The following PRKCA variants were observed in gnomAD, a reference collection of about 807,000 sequenced individuals.
PRKCA encodes protein kinase C alpha.
PRKCA carries 27 observed loss-of-function variants against 87.0 expected under a neutral mutation model. That is an observed-to-expected ratio of 0.31 (90% confidence interval 0.23 to 0.43). PRKCA has a LOEUF of 0.43. Among genes scored for constraint, PRKCA ranks in the 20% least tolerant of loss-of-function variants. PRKCA has a pLI of 1.00. For missense variants in PRKCA, 518 were observed against 852.3 expected, an observed-to-expected ratio of 0.61 and a Z score of 4.88; for synonymous variants, 329 against 311.1, an observed-to-expected ratio of 1.06 and a Z score of -0.61.
At chr17:66,327,638 C>T (rs765115763) in intron 2 of PRKCA, among the ~76,000 whole-genome samples, 1 of 152,216 alleles carries the variant, frequency 6.6e-6, no homozygotes, top group African/African-American at 2.4e-5. Flanking sequence ...TCTCCTTCGT[C>T]CACATGACTT....
intron 14 of PRKCA, among the ~76,000 whole-genome samples, chr17:66,784,092 T>C (rs543154321): frequency 2.6e-5 from 4 of 152,352 alleles, no homozygotes; most frequent in East Asian, 3.9e-4. Flanking sequence ...CAGGCCCTCT[T>C]GGGCCATGTG....
At position 66,808,126 on chromosome 17, in the gene PRKCA, C is replaced by T. The variant is rs932325986; in HGVS notation, c.*4089C>T. 2 of 152,158 alleles carry T rather than the reference C, an allele frequency of 1.3e-5. No individual in the cohort carries two copies. Among genetic ancestry groups the T allele is most frequent in the Admixed American group, 6.5e-5 (1 of 15,288 alleles). The allele number at this position is 152,158 out of a possible 1,614,324, so 9.4% of individuals were successfully genotyped here. A position where few individuals can be genotyped will look rare whatever the true frequency, so the allele number is the denominator to read the frequency against. ...CATAGTTCTCTGGGCAGAGCCAGAC[C>T]ATCCAGTGTACCCCAGAGGCCAGTA... On this transcript the variant is annotated 3_prime_UTR_variant, in exon 17 of 17. Coordinates refer to ENST00000413366, the MANE Select transcript of PRKCA (RefSeq NM_002737.3).
intron 7 of PRKCA, 150 bp downstream of exon 7, chr17:66,688,586 T>C (rs574718573): frequency 9.5e-7 from 1 of 1,049,356 alleles, no homozygotes; most frequent in South Asian, 1.7e-5. Context: ...GTGGATTGCT[T>C]GAGCTCTGAG....
At chr17:66,574,058 A>G (rs1969156271) in intron 3 of PRKCA, among the ~76,000 whole-genome samples, 1 of 152,212 alleles carries the variant, frequency 6.6e-6, no homozygotes, top group South Asian at 2.1e-4. Flanking sequence ...TGAAATCACA[A>G]CACCCAGGGT....
chr17:66,420,665 A>G (rs1441904566), intron 2 of PRKCA, among the ~76,000 whole-genome samples: 1 of 152,188 alleles, frequency 6.6e-6, no homozygotes, highest in African/African-American at 2.4e-5. Context: ...ATGCACGACA[A>G]TACTTTCAAT....
chr17:66,503,455 A>T (rs968783819), intron 3 of PRKCA, among the ~76,000 whole-genome samples: 1 of 152,194 alleles, frequency 6.6e-6, no homozygotes, highest in Non-Finnish European at 1.5e-5. Flanking sequence ...GTTAAAAGAT[A>T]GGGAGGCTTG....
intron 2 of PRKCA, among the ~76,000 whole-genome samples, chr17:66,493,285 A>G (rs1052519836): frequency 2.9e-5 from 4 of 139,248 alleles, no homozygotes; most frequent in African/African-American, 8.3e-5. Flanking sequence ...GTGTATGTCT[A>G]TGTAGGTATA....
intron 16 of PRKCA, chr17:66,797,100 A>G: frequency 1.1e-5 from 8 of 696,216 alleles, no homozygotes; most frequent in Non-Finnish European, 1.4e-5. Flanking sequence ...GGTAAAGGGC[A>G]GGGGTGAGAC....
In PRKCA at chr17:66,715,595, T is replaced by C. The variant is rs113715757; in HGVS notation, c.919-17093T>C. On this transcript the variant is annotated intron_variant, in intron 8 of 16. Coordinates refer to ENST00000413366, the MANE Select transcript of PRKCA (RefSeq NM_002737.3). The stretch of plus-strand genomic sequence containing the variant: ...CCTACAACTGTTTGGATCTTTGTTT[T>C]CTAGAAATAGAGCACCCAGAGATCT... 1.3e-3 allele frequency among the ~76,000 whole-genome samples: 202 copies of C among 152,308 alleles called. 1 individual carries two copies. The highest frequency in any genetic ancestry group is 4.7e-3 in the African/African-American group (196 of 41,566).
chr17:66,555,264 G>A (rs1968460869), intron 3 of PRKCA, among the ~76,000 whole-genome samples: 1 of 152,160 alleles, frequency 6.6e-6, no homozygotes, highest in African/African-American at 2.4e-5. Flanking sequence ...GCTTATGAAG[G>A]GCTGTTTTTC....
At chr17:66,679,752 A>G (rs1047126163) in intron 5 of PRKCA, among the ~76,000 whole-genome samples, 3 of 151,940 alleles carry the variant, frequency 2.0e-5, no homozygotes, top group Non-Finnish European at 4.4e-5. Context: ...TGACTTCACC[A>G]CCTCTTCTCT....
At chr17:66,663,831 A>G (rs1413214218) in intron 5 of PRKCA, among the ~76,000 whole-genome samples, 2 of 148,428 alleles carry the variant, frequency 1.3e-5, no homozygotes, top group Non-Finnish European at 3.0e-5. Flanking sequence ...TTCTCTTTGG[A>G]GTGTTTTTTG....
In PRKCA at chr17:66,394,157, A is replaced by G. The variant is rs188521345; in HGVS notation, c.205+88030A>G. Among the ~76,000 whole-genome samples the G allele has an allele frequency of 7.2e-4, 110 of 152,268 alleles. 1 individual carries two copies. The highest frequency in any genetic ancestry group is 1.3e-3 in the Admixed American group (20 of 15,296). On this transcript the variant is annotated intron_variant, in intron 2 of 16. Coordinates refer to ENST00000413366, the MANE Select transcript of PRKCA (RefSeq NM_002737.3). ...TAGAAAAGGCAGCTCTGTTCTTCCTAGAGGAGTCTTAGTTTAGCATTTTAC... is the reference window on the plus strand; with the variant it reads ...TAGAAAAGGCAGCTCTGTTCTTCCTGGAGGAGTCTTAGTTTAGCATTTTAC...
intron 3 of PRKCA, among the ~76,000 whole-genome samples, chr17:66,539,646 G>C (rs1967913800): frequency 6.6e-6 from 1 of 152,096 alleles, no homozygotes. Context: ...TTTGTGATCT[G>C]CCCGCCTTGG....
chr17:66,757,146 T>C (rs1490233351), intron 13 of PRKCA, among the ~76,000 whole-genome samples: 1 of 150,788 alleles, frequency 6.6e-6, no homozygotes, highest in Non-Finnish European at 1.5e-5. Flanking sequence ...ATCTGTAGAC[T>C]GGACACAGCT....
intron 5 of PRKCA, among the ~76,000 whole-genome samples, chr17:66,650,942 A>G (rs1274212170): frequency 1.3e-5 from 2 of 152,170 alleles, no homozygotes; most frequent in Non-Finnish European, 2.9e-5. Context: ...TGCTAAGATG[A>G]TTAAGACCTA....
At chr17:66,451,428 C>T (rs767992852) in intron 2 of PRKCA, among the ~76,000 whole-genome samples, 3 of 151,130 alleles carry the variant, frequency 2.0e-5, no homozygotes, top group Non-Finnish European at 4.4e-5. Flanking sequence ...TGATTATTAT[C>T]ACATTTTGGG....
intron 2 of PRKCA, among the ~76,000 whole-genome samples, chr17:66,478,322 G>A (rs1250979068): frequency 4.6e-5 from 7 of 151,950 alleles, no homozygotes; most frequent in East Asian, 3.9e-4. Context: ...TGGCACAATC[G>A]CAGCTCACCG....
chr17:66,354,366 C>T (rs1907922748), intron 2 of PRKCA, among the ~76,000 whole-genome samples: 1 of 152,190 alleles, frequency 6.6e-6, no homozygotes, highest in Non-Finnish European at 1.5e-5. Context: ...CTCACCTCTG[C>T]ATACAGGATG....
Sources: gnomAD v4.1 joint callset for allele counts (sites outside exome capture counted in the v4.1 genomes callset) on GRCh38, gnomAD v4.1.1 for gene constraint, MANE v1.5 for transcripts, NCBI Gene and HGNC (gene_info 2026-07-23, HGNC 2026-07-21) for gene names.